PTPN4: variants seen among roughly 807,000 people sequenced by gnomAD.
PTPN4 encodes tyrosine-protein phosphatase non-receptor type 4.
A neutral mutation model predicts 135.5 loss-of-function variants in PTPN4; 49 were observed. That is an observed-to-expected ratio of 0.36 (90% CI 0.29 to 0.46). The LOEUF (loss-of-function observed/expected upper bound fraction) is 0.46. Ranked by LOEUF, PTPN4 falls within the 20% of genes least tolerant of loss-of-function variation. PTPN4 has a pLI of 1.00. For missense variants in PTPN4, 860 were observed against 1,101.0 expected (o/e 0.78, Z 3.10); for synonymous variants, 333 against 369.9 (o/e 0.90, Z 1.14).
chr2:119,922,001 A>G (rs1278456649), intron 12 of PTPN4, among the ~76,000 whole-genome samples: 1 of 152,194 alleles, frequency 6.6e-6, no homozygotes, highest in Non-Finnish European at 1.5e-5. Context: ...ACCAATAACC[A>G]GTCTTCAACT....
chr2:119,890,891 T>C (rs1678230412), intron 9 of PTPN4, among the ~76,000 whole-genome samples: 1 of 152,322 alleles, frequency 6.6e-6, no homozygotes. Flanking sequence ...GGTTTTTTCT[T>C]TCAGCACTTT....
chr2:119,769,491 G>A (rs1465853434), intron 1 of PTPN4, among the ~76,000 whole-genome samples: 1 of 152,178 alleles, frequency 6.6e-6, no homozygotes, highest in African/African-American at 2.4e-5. Context: ...AAATGCTAAG[G>A]TTCTTCTGAG....
intron 12 of PTPN4, among the ~76,000 whole-genome samples, chr2:119,923,783 T>C: frequency 6.6e-6 from 1 of 152,096 alleles, no homozygotes; most frequent in East Asian, 1.9e-4. Flanking sequence ...GTGAGAATTA[T>C]AACTGCAGAA....
intron 1 of PTPN4, among the ~76,000 whole-genome samples, chr2:119,763,004 A>G (rs1690536248): frequency 6.6e-6 from 1 of 152,156 alleles, no homozygotes. Context: ...TTATCTCTTC[A>G]TTTAATATTT....
chr2:119,851,653 T>A (rs1392034993), intron 2 of PTPN4, among the ~76,000 whole-genome samples: 1 of 152,158 alleles, frequency 6.6e-6, no homozygotes, highest in Non-Finnish European at 1.5e-5. Flanking sequence ...GCTCTGCTAT[T>A]TTGTCTCTTA....
chr2:119,784,292 T>G (rs894975567), intron 1 of PTPN4, among the ~76,000 whole-genome samples: 2 of 149,808 alleles, frequency 1.3e-5, no homozygotes, highest in Non-Finnish European at 1.5e-5. Context: ...TTTTTTTTTT[T>G]GAGACAGAAT....
intron 18 of PTPN4, among the ~76,000 whole-genome samples, chr2:119,949,200 A>G (rs1679177496): frequency 6.6e-6 from 1 of 152,208 alleles, no homozygotes; most frequent in Admixed American, 6.5e-5. Context: ...ACTATGTTCC[A>G]TAAATATTGG....
rs974703517 is a variant in PTPN4, at chr2:119,978,428, CTTGT to C, written c.*1361_*1364del. ...ACTCAATAACTAAATTGAGAATTTT[CTTGT>C]TTTTTTGTGTACAATTAAATTATTC... On this transcript the variant is annotated 3_prime_UTR_variant, in exon 27 of 27. Transcript: ENST00000263708. 2.1e-3 allele frequency: 16 copies of C among 7,774 alleles called. No homozygotes were observed. Among genetic ancestry groups the C allele is most frequent in the Non-Finnish European group, 4.0e-3 (1 of 250 alleles). The allele number at this position is 7,774 out of a possible 1,614,324, so 0.5% of individuals were successfully genotyped here.
intron 1 of PTPN4, among the ~76,000 whole-genome samples, chr2:119,773,424 A>G (rs1315359026): frequency 2.6e-5 from 4 of 152,152 alleles, no homozygotes; most frequent in African/African-American, 4.8e-5. Context: ...GCCTAAAAAT[A>G]TCAAGACTTT....
intron 1 of PTPN4, among the ~76,000 whole-genome samples, chr2:119,794,795 C>T (rs989810293): frequency 9.2e-5 from 14 of 152,166 alleles, no homozygotes; most frequent in South Asian, 4.1e-4. Context: ...TGCCATTCAG[C>T]GGGTCCTGAG....
chr2:119,877,324 G>T lies in PTPN4; in HGVS notation c.248G>T (p.Arg83Met). ...QLADDSTDNP[R>M]WLDPNKPIRK... Reference sequence around the variant, plus strand: ...CAGTTTTATTTATTTATTTTTCAGAGGTGGCTGGATCCAAACAAACCAATA... The same window carrying T: ...CAGTTTTATTTATTTATTTTTCAGATGTGGCTGGATCCAAACAAACCAATA... Residue 83 changes from arginine to methionine, a missense_variant and splice_region_variant, in exon 4 of 27, where the codon AGG becomes ATG. Arg to Met is a moderately conservative substitution (Grantham distance 91). Coordinates refer to ENST00000263708, the MANE Select transcript of PTPN4 (RefSeq NM_002830.4). The T allele has an allele frequency of 1.2e-6, 2 of 1,609,970 alleles. No individual in the cohort carries two copies. The highest frequency in any genetic ancestry group is 1.3e-5 in the African/African-American group (1 of 74,750).
At chr2:119,953,402 C>T (rs1449095488) in intron 19 of PTPN4, among the ~76,000 whole-genome samples, 1 of 152,032 alleles carries the variant, frequency 6.6e-6, no homozygotes, top group Admixed American at 6.6e-5. Context: ...CACAAATAGG[C>T]GTTTTCATTT....
At chr2:119,967,643 T>C (rs1337466101) in intron 25 of PTPN4, among the ~76,000 whole-genome samples, 194 bp from the exon 26 acceptor site, 1 of 152,226 alleles carries the variant, frequency 6.6e-6, no homozygotes, top group African/African-American at 2.4e-5. Context: ...AGATGGAAGA[T>C]ACAGAACAAG....
At position 119,979,528 on chromosome 2, in the gene PTPN4, TATTTAA is replaced by T. The variant is rs1679662595; in HGVS notation, c.*2468_*2473del. On this transcript the variant is annotated 3_prime_UTR_variant, in exon 27 of 27. Transcript: ENST00000263708. Reference sequence around the variant, plus strand: ...TTGAAAACCATATTTATTGGGATCTTATTTAAATTTAAATTATCCTTTACAACTTCT... The same window carrying T: ...TTGAAAACCATATTTATTGGGATCTTATTTAAATTATCCTTTACAACTTCT... 1 of 152,156 alleles carries T rather than the reference TATTTAA, an allele frequency of 6.6e-6. No individual in the cohort carries two copies. Among genetic ancestry groups the T allele is most frequent in the Non-Finnish European group, 1.5e-5 (1 of 67,974 alleles). 9.4% of individuals were successfully genotyped at this position (152,156 alleles called of 1,614,324 possible).
chr2:119,949,342 T>G (rs1348920673), intron 18 of PTPN4, among the ~76,000 whole-genome samples: 1 of 152,194 alleles, frequency 6.6e-6, no homozygotes, highest in African/African-American at 2.4e-5. Flanking sequence ...AACCACAGTT[T>G]AGGCAATCGG....
chr2:119,761,256 A>C (rs1465838332), intron 1 of PTPN4, among the ~76,000 whole-genome samples: 1 of 152,242 alleles, frequency 6.6e-6, no homozygotes, highest in Non-Finnish European at 1.5e-5. Context: ...CGACTTGCAA[A>C]AGACAATTAG....
chr2:119,784,199 C>A (rs887463501), intron 1 of PTPN4, among the ~76,000 whole-genome samples: 1 of 151,168 alleles, frequency 6.6e-6, no homozygotes, highest in African/African-American at 2.4e-5. Flanking sequence ...CTCTGTTGGT[C>A]AAAGCAATTA....
At chr2:119,907,000 C>G (rs183156406) in intron 10 of PTPN4, among the ~76,000 whole-genome samples, 2 of 152,128 alleles carry the variant, frequency 1.3e-5, no homozygotes, top group African/African-American at 4.8e-5. Flanking sequence ...ACATCTGTTA[C>G]GTTTCTGTAC....
intron 9 of PTPN4, among the ~76,000 whole-genome samples, chr2:119,896,330 G>A (rs1268286860): frequency 6.6e-6 from 1 of 152,086 alleles, no homozygotes; most frequent in Non-Finnish European, 1.5e-5. Flanking sequence ...TTAATCTACA[G>A]GTTGTTGCTT....
Sources: allele counts gnomAD v4.1 joint callset (sites outside exome capture counted in the v4.1 genomes callset), GRCh38; gene constraint gnomAD v4.1.1; transcripts MANE v1.5; gene names NCBI Gene and HGNC (gene_info 2026-07-23, HGNC 2026-07-21).